Variants in SLC22A5 observed in about 807,000 individuals in gnomAD.
SLC22A5 encodes solute carrier family 22 member 5, also known as organic cation/carnitine transporter 2.
In SLC22A5, 44 loss-of-function variants were observed where a neutral mutation model predicts 56.7. The ratio of observed to expected loss-of-function variants is 0.78; its 90% CI spans 0.61 to 1.00. The LOEUF (loss-of-function observed/expected upper bound fraction) is 1.00. SLC22A5 is among the 50% of genes least tolerant of loss of function. SLC22A5 has a pLI of 0.00. For synonymous variants in SLC22A5, 278 were observed against 292.1 expected (o/e 0.95, Z 0.49); for missense variants, 675 against 723.0 (o/e 0.93, Z 0.76).
At chr5:132,384,555 T>C (rs1232166238) in intron 3 of SLC22A5, among the ~76,000 whole-genome samples, 1 of 152,174 alleles carries the variant, frequency 6.6e-6, no homozygotes, top group Non-Finnish European at 1.5e-5. Context: ...CTGTGGCTCC[T>C]TGGTCTTAGT....
intron 7 of SLC22A5, among the ~76,000 whole-genome samples, chr5:132,391,985 A>G (rs1752716038): frequency 6.6e-6 from 1 of 152,220 alleles, no homozygotes; most frequent in African/African-American, 2.4e-5. Flanking sequence ...TAGAAGATCA[A>G]CTTGAGATTC....
chr5:132,387,651 G>A (rs745852148), intron 5 of SLC22A5, among the ~76,000 whole-genome samples: 1 of 152,038 alleles, frequency 6.6e-6, no homozygotes, highest in Admixed American at 6.6e-5. Flanking sequence ...GTCTCTTTCT[G>A]CCCTCCAATG....
At chr5:132,372,166 C>T (rs1369587550) in intron 1 of SLC22A5, among the ~76,000 whole-genome samples, 1 of 152,190 alleles carries the variant, frequency 6.6e-6, no homozygotes, top group Non-Finnish European at 1.5e-5. Flanking sequence ...GCCAACTGTG[C>T]TTTCTGGCCC....
At position 132,390,788 on chromosome 5, in the gene SLC22A5, T is replaced by C; in HGVS notation, c.1151T>C (p.Val384Ala). The change falls in exon 7 of 10, where the codon GTC (valine) becomes GCC (alanine). Residue 384 changes from valine to alanine, a missense_variant. Coordinates refer to ENST00000245407, the MANE Select transcript of SLC22A5 (RefSeq NM_003060.4). ...TGCTTCCTTTCAGCGATGGTTGAAG[T>C]CCCAGCATATGTGTTGGCCTGGCTG... ...VNCFLSAMVE[V>A]PAYVLAWLLL... 1 of 1,614,204 alleles carries C rather than the reference T, an allele frequency of 6.2e-7. No homozygotes were observed. Among genetic ancestry groups the C allele is most frequent in the Non-Finnish European group, 8.5e-7 (1 of 1,180,012 alleles).
At chr5:132,383,612 A>C (rs370369283) in intron 2 of SLC22A5, 1 of 181,678 alleles carries the variant, frequency 5.5e-6, no homozygotes, top group African/African-American at 2.4e-5. Context: ...GCATAGATCT[A>C]TTAATCCATT....
In SLC22A5 at chr5:132,385,487, T is replaced by A; in HGVS notation, c.812T>A (p.Val271Glu). ...VALTMPGVLC[V>E]ALWWFIPESP... ...CTGACGATGCCGGGGGTGCTATGCG[T>A]GGCACTCTGGTGGTGAGTGTGACCT... The change falls in exon 4 of 10, where the codon GTG (valine) becomes GAG (glutamate). Residue 271 changes from valine (V) to glutamate (E), a missense_variant. Val to Glu is a moderately radical substitution (Grantham distance 121, BLOSUM62 -2). Transcript: ENST00000245407. 6.2e-7 allele frequency: 1 copy of A among 1,614,108 alleles called. No homozygotes were observed. The highest frequency in any genetic ancestry group is 8.5e-7 in the Non-Finnish European group (1 of 1,179,974).
intron 1 of SLC22A5, among the ~76,000 whole-genome samples, chr5:132,371,137 T>C (rs1751909421): frequency 6.6e-6 from 1 of 152,128 alleles, no homozygotes; most frequent in African/African-American, 2.4e-5. Context: ...CAGCTAATTT[T>C]TGTGTTTTTA....
chr5:132,381,223 T>C (rs1230309575), intron 2 of SLC22A5: 2 of 152,142 alleles, frequency 1.3e-5, no homozygotes, highest in Non-Finnish European at 2.9e-5. Context: ...GAAACAAAAT[T>C]TGTGAGTGTG....
At chr5:132,375,432 T>G (rs1752105979) in intron 1 of SLC22A5, among the ~76,000 whole-genome samples, 1 of 152,220 alleles carries the variant, frequency 6.6e-6, no homozygotes, top group South Asian at 2.1e-4. Context: ...ACGGTCAGGC[T>G]AGGTACATCC....
At chr5:132,391,468 T>A (rs1752699574) in intron 7 of SLC22A5, among the ~76,000 whole-genome samples, 2 of 152,214 alleles carry the variant, frequency 1.3e-5, no homozygotes, top group Non-Finnish European at 2.9e-5. Flanking sequence ...TCACAGATAG[T>A]GTCCCTGAAC....
rs1346191785 is a variant in SLC22A5 at position 132,390,864 on chromosome 5, G to C, written c.1227G>C (p.Leu409=). ...ATTCCATGGCCACTGCCCTCTTCCTGGGTGGCAGTGTCCTTCTCTTCATGC... is the reference window on the plus strand; with the variant it reads ...ATTCCATGGCCACTGCCCTCTTCCTCGGTGGCAGTGTCCTTCTCTTCATGC... ...RRYSMATALF[L]GGSVLLFMQL... Residue 409 remains leucine, a synonymous_variant, in exon 7 of 10, where the codon CTG becomes CTC. Transcript: ENST00000245407. 3.7e-6 allele frequency: 6 copies of C among 1,614,090 alleles called. No individual in the cohort carries two copies. Among genetic ancestry groups the C allele is most frequent in the Non-Finnish European group, 5.1e-6 (6 of 1,180,040 alleles).
Position 132,394,242 on chromosome 5 carries a change from G to A in SLC22A5, c.1644G>A (p.Arg548=), listed in dbSNP as rs2126793283. ...HTRMLKDGQE[R]PTILKSTAF is the part of the protein sequence containing the mutation. ...GGATGTTAAAAGATGGTCAAGAAAGGCCCACAATCCTTAAAAGCACAGCCT... is the reference window on the plus strand; with the variant it reads ...GGATGTTAAAAGATGGTCAAGAAAGACCCACAATCCTTAAAAGCACAGCCT... The change falls in exon 10 of 10, where the codon AGG becomes AGA. Residue 548 remains arginine, a synonymous_variant. Transcript: ENST00000245407. The A allele has an allele frequency of 6.2e-7, 1 of 1,613,226 alleles. No homozygotes were observed. Among genetic ancestry groups the A allele is most frequent in the Non-Finnish European group, 8.5e-7 (1 of 1,179,138 alleles).
chr5:132,370,824 A>G (rs1751887060), intron 1 of SLC22A5, among the ~76,000 whole-genome samples: 1 of 152,126 alleles, frequency 6.6e-6, no homozygotes, highest in Non-Finnish European at 1.5e-5. Context: ...TAAATAAAGC[A>G]TGTGTATACA....
In SLC22A5 at chr5:132,369,790, A is replaced by G. The variant is rs1261222044; in HGVS notation, c.-183A>G. The G allele has an allele frequency of 2.9e-4, 211 of 724,260 alleles. No homozygotes were observed. Among genetic ancestry groups the G allele is most frequent in the African/African-American group, 5.7e-5 (3 of 52,596 alleles). The allele number at this position is 724,260 out of a possible 1,614,324, so 44.9% of individuals were successfully genotyped here. On this transcript the variant is annotated 5_prime_UTR_variant, in exon 1 of 10. The change abolishes an upstream ATG in the 5' untranslated region. Coordinates refer to ENST00000245407, the MANE Select transcript of SLC22A5 (RefSeq NM_003060.4). ...GCAACCTTCCCTGGTCGTGCGCCCT[A>G]TGTAAGGCCAGCCGCGGCAGGACCA...
Position 132,390,920 on chromosome 5 carries a change from A to C in SLC22A5, c.1267+16A>C, listed in dbSNP as rs2126789947. On this transcript the variant is annotated intron_variant, in intron 7 of 9. Coordinates refer to ENST00000245407, the MANE Select transcript of SLC22A5 (RefSeq NM_003060.4). ...GTACCCCCAGGTAGGGACCATGTGCATCTATGGTTTGGGGTCTTCACTGAG... is the reference window on the plus strand; with the variant it reads ...GTACCCCCAGGTAGGGACCATGTGCCTCTATGGTTTGGGGTCTTCACTGAG... The C allele has an allele frequency of 6.2e-7, 1 of 1,602,484 alleles. No homozygotes were observed. Among genetic ancestry groups the C allele is most frequent in the Non-Finnish European group, 8.5e-7 (1 of 1,170,220 alleles).
At position 132,378,454 on chromosome 5, in the gene SLC22A5, C is replaced by T. The variant is rs759925126; in HGVS notation, c.470C>T (p.Ser157Phe). The T allele has an allele frequency of 6.2e-7, 1 of 1,614,128 alleles. No homozygotes were observed. The highest frequency in any genetic ancestry group is 8.5e-7 in the Non-Finnish European group (1 of 1,179,986). Residue 157 changes from serine to phenylalanine, a missense_variant, in exon 2 of 10, where the codon TCC becomes TTC. Ser to Phe is a radical substitution (Grantham distance 155). Transcript: ENST00000245407. ...TTCTTCGTGGGTGTGCTGTTGGGCT[C>T]CTTCATTTCAGGGCAGCTGTCAGAC... ...SLFFVGVLLG[S>F]FISGQLSDRF...
At chr5:132,384,612 A>T (rs1192620562) in intron 3 of SLC22A5, among the ~76,000 whole-genome samples, 1 of 152,190 alleles carries the variant, frequency 6.6e-6, no homozygotes, top group East Asian at 1.9e-4. Flanking sequence ...CTCCATTTAC[A>T]AAAAGGGCCT....
Position 132,370,235 on chromosome 5 carries a change from C to A in SLC22A5, c.263C>A (p.Thr88Asn). 6.4e-7 allele frequency: 1 copy of A among 1,574,250 alleles called. No homozygotes were observed. Among genetic ancestry groups the A allele is most frequent in the East Asian group, 2.4e-5 (1 of 42,118 alleles). ...AGCTGCCGCCGCTACCGGCTCGCCA[C>A]CATCGCCAACTTCTCGGCGCTTGGG... The part of the protein sequence containing the change: ...PHSCRRYRLA[T>N]IANFSALGLE... The change falls in exon 1 of 10, where the codon ACC becomes AAC. Residue 88 changes from threonine to asparagine, a missense_variant. Physicochemically the swap from Thr to Asn is moderately conservative, Grantham distance 65. Coordinates refer to ENST00000245407, the MANE Select transcript of SLC22A5 (RefSeq NM_003060.4).
intron 4 of SLC22A5, 71 bp from the exon 5 acceptor site, chr5:132,386,954 T>C (rs1756980548): frequency 6.5e-7 from 1 of 1,531,814 alleles, no homozygotes; most frequent in Non-Finnish European, 9.0e-7. Context: ...CACCTATGGC[T>C]GTGCTCTACC....
Sources: allele counts gnomAD v4.1 joint callset (sites outside exome capture counted in the v4.1 genomes callset), GRCh38; gene constraint gnomAD v4.1.1; transcripts MANE v1.5; gene names NCBI Gene and HGNC (gene_info 2026-07-23, HGNC 2026-07-21).